DMC1: variants seen among roughly 807,000 people sequenced by gnomAD.
The protein encoded by DMC1 is DNA meiotic recombinase 1.
DMC1 carries 27 observed loss-of-function variants against 50.1 expected under a neutral mutation model. The observed-to-expected ratio is 0.54, with a 90% CI of 0.40 to 0.74. DMC1 has a LOEUF of 0.74. DMC1 is among the 30% of genes least tolerant of loss of function. The probability of loss-of-function intolerance (pLI) is 0.00; values close to 1 mark genes in which losing one functional copy is unlikely to be tolerated. For missense variants in DMC1, 295 were observed against 420.2 expected, an observed-to-expected ratio of 0.70 and a Z score of 2.60; for synonymous variants, 148 against 136.1, an observed-to-expected ratio of 1.09 and a Z score of -0.61.
At chr22:38,553,029 G>A (rs2090429766) in intron 6 of DMC1, among the ~76,000 whole-genome samples, 1 of 150,548 alleles carries the variant, frequency 6.6e-6, no homozygotes, top group South Asian at 2.1e-4. Context: ...TGTATTTTAA[G>A]TAGAGATGGG....
chr22:38,556,391 G>C (rs1317318353), intron 5 of DMC1, among the ~76,000 whole-genome samples: 2 of 152,112 alleles, frequency 1.3e-5, no homozygotes, highest in African/African-American at 4.8e-5. Flanking sequence ...ATCATGCCCG[G>C]CTTCAGTTTT....
intron 8 of DMC1, among the ~76,000 whole-genome samples, chr22:38,544,975 T>C (rs2090328348): frequency 6.6e-6 from 1 of 152,052 alleles, no homozygotes. Context: ...TCTCAGATTC[T>C]CTGGGTTCAC....
At chr22:38,550,317 C>CTTTTTTTTTTTTTTTTTTTTT (rs11458767) in intron 7 of DMC1, among the ~76,000 whole-genome samples, 1 of 133,992 alleles carries the variant, frequency 7.5e-6, no homozygotes, top group Non-Finnish European at 1.6e-5. Flanking sequence ...CTTTTCTTTT[C>CTTTTTTTTTTTTTTTTTTTTT]TTTTTTTTTT....
At chr22:38,557,968 T>TTTTTTTTG in intron 5 of DMC1, among the ~76,000 whole-genome samples, 1 of 132,854 alleles carries the variant, frequency 7.5e-6, no homozygotes, top group African/African-American at 2.8e-5. Context: ...TTTTTTTTTT[T>TTTTTTTTG]TTTTTTTTTT....
intron 12 of DMC1, among the ~76,000 whole-genome samples, chr22:38,527,975 C>A (rs375771873): frequency 5.3e-5 from 8 of 152,002 alleles, no homozygotes; most frequent in Admixed American, 2.6e-4. Context: ...CCTTGGGGTA[C>A]CTTTATGAAC....
At chr22:38,516,326 C>T (rs1283114371), downstream of DMC1, among the ~76,000 whole-genome samples, 1 of 152,160 alleles carries the variant, frequency 6.6e-6, no homozygotes, top group Admixed American at 6.6e-5. Flanking sequence ...AACTTTAGGC[C>T]TTTGTTTTGG....
intron 5 of DMC1, among the ~76,000 whole-genome samples, chr22:38,561,805 C>A (rs1036338549): frequency 6.6e-6 from 1 of 152,094 alleles, no homozygotes; most frequent in Non-Finnish European, 1.5e-5. Context: ...GGAGAAAAAA[C>A]CCACATTTTA....
intron 5 of DMC1, among the ~76,000 whole-genome samples, chr22:38,561,053 A>T (rs551847935): frequency 1.3e-5 from 2 of 152,072 alleles, no homozygotes; most frequent in East Asian, 3.9e-4. Flanking sequence ...GCTAGAGTGC[A>T]GTGGCATGAT....
chr22:38,533,197 C>T (rs556978281), intron 12 of DMC1, among the ~76,000 whole-genome samples: 1 of 151,764 alleles, frequency 6.6e-6, no homozygotes, highest in African/African-American at 2.4e-5. Flanking sequence ...TCGAGACCAT[C>T]CTGGCTAACA....
chr22:38,514,547 C>A (rs1204692113), downstream of DMC1, among the ~76,000 whole-genome samples: 2 of 151,818 alleles, frequency 1.3e-5, no homozygotes, highest in African/African-American at 4.8e-5. Flanking sequence ...TTCTTAATCA[C>A]AGGATGAGAC....
chr22:38,552,311 G>A (rs1025104722), intron 7 of DMC1, among the ~76,000 whole-genome samples: 6 of 152,126 alleles, frequency 3.9e-5, no homozygotes, highest in Non-Finnish European at 5.9e-5. Context: ...TTTATGCCAT[G>A]GAAAGTGAAA....
intron 12 of DMC1, among the ~76,000 whole-genome samples, chr22:38,524,501 ACTT>A (rs1223581325): frequency 3.9e-5 from 6 of 152,178 alleles, no homozygotes; most frequent in South Asian, 2.1e-4. Flanking sequence ...CACTTCCTCA[ACTT>A]CTTCTTTCTG....
chr22:38,562,320 ACC>A lies in DMC1; in HGVS notation c.291_292del (p.Met97IlefsTer12), dbSNP rs1222637154. On this transcript the variant is annotated frameshift_variant, in exon 5 of 14. Transcript: ENST00000216024. LOFTEE classifies it high-confidence loss of function. Reference sequence around the variant, plus strand: ...CTGGCTCCCGGTGGTGATATGGAAAACCATTTTCCTCTTTTCACTATACTCAA... The same window carrying A: ...CTGGCTCCCGGTGGTGATATGGAAAAATTTTCCTCTTTTCACTATACTCAA... 7 of 1,612,988 alleles carry A rather than the reference ACC, an allele frequency of 4.3e-6. No homozygotes were observed.
At position 38,554,077 on chromosome 22, in the gene DMC1, C is replaced by T. The variant is rs780168807; in HGVS notation, c.379+1280G>A. Among the ~76,000 whole-genome samples the T allele has an allele frequency of 2.6e-5, 4 of 151,742 alleles. No individual in the cohort carries two copies. The East Asian group carries it at 5.8e-4, about 22-fold the overall frequency. The stretch of plus-strand genomic sequence containing the variant: ...CTAGGAGGCAGAGGTTGCAGTGAGC[C>T]GAGATGGCACCACTGCACTGCAGCC... On this transcript the variant is annotated intron_variant, in intron 6 of 13. Coordinates refer to ENST00000216024, the MANE Select transcript of DMC1 (RefSeq NM_007068.4).
intron 7 of DMC1, among the ~76,000 whole-genome samples, chr22:38,550,946 A>AAAAAAAAAAAG (rs2090399757): frequency 9.0e-6 from 1 of 111,386 alleles, no homozygotes; most frequent in African/African-American, 3.2e-5. Context: ...AAAAAAAAAA[A>AAAAAAAAAAAG]AAAGAAAGAA....
Position 38,562,358 on chromosome 22 carries a change from G to A in DMC1, c.255C>T (p.Phe85=). The A allele has an allele frequency of 6.2e-7, 1 of 1,609,494 alleles. No homozygotes were observed. The highest frequency in any genetic ancestry group is 8.5e-7 in the Non-Finnish European group (1 of 1,176,202). The change falls in exon 5 of 14, where the codon TTC becomes TTT. Residue 85 remains phenylalanine, a synonymous_variant. Transcript: ENST00000216024. Reference sequence around the variant, plus strand: ...TTTCACTATACTCAAATGCAGTCAAGAATCCTGGTTCCTACAGAAAGATAA... The same window carrying A: ...TTTCACTATACTCAAATGCAGTCAAAAATCCTGGTTCCTACAGAAAGATAA... ...EAANKLIEPG[F]LTAFEYSEKR...
chr22:38,563,723 G>A (rs1308907183), intron 4 of DMC1, among the ~76,000 whole-genome samples: 3 of 149,064 alleles, frequency 2.0e-5, no homozygotes, highest in African/African-American at 5.0e-5. Context: ...TTTTTGAGAT[G>A]GAGTCTCGCT....
At chr22:38,555,279 T>G (rs1569167319) in intron 6 of DMC1, 78 bp downstream of exon 6, 3 of 877,356 alleles carry the variant, frequency 3.4e-6, no homozygotes, top group Non-Finnish European at 5.6e-6. Context: ...TATTTAATTA[T>G]ATGTGTATGT....
At chr22:38,564,059 C>T (rs2090556675) in intron 4 of DMC1, among the ~76,000 whole-genome samples, 1 of 152,074 alleles carries the variant, frequency 6.6e-6, no homozygotes. Context: ...GTCCTAGCTA[C>T]TGAGGAGGCT....
Sources: allele counts gnomAD v4.1 joint callset (sites outside exome capture counted in the v4.1 genomes callset), GRCh38; gene constraint gnomAD v4.1.1; transcripts MANE v1.5; gene names NCBI Gene and HGNC (gene_info 2026-07-23, HGNC 2026-07-21).